CFAP47: variants seen among roughly 807,000 people sequenced by gnomAD.
CFAP47 encodes the protein cilia and flagella associated protein 47.
A neutral mutation model predicts 148.1 loss-of-function variants in CFAP47; 29 were observed. That is an observed-to-expected ratio of 0.20 (90% CI 0.15 to 0.27). CFAP47 has a LOEUF of 0.27. Ranked by LOEUF, CFAP47 falls within the 10% of genes least tolerant of loss-of-function variation. The pLI is 1.00. For synonymous variants in CFAP47, 664 were observed against 577.3 expected (o/e 1.15, Z -2.15); for missense variants, 1,872 against 1,697.5 (o/e 1.10, Z -1.81).
chrX:36,130,797 C>T (rs1193741611), intron 33 of CFAP47, among the ~76,000 whole-genome samples: 1 of 110,862 alleles, frequency 9.0e-6, no homozygotes, highest in East Asian at 2.8e-4. Flanking sequence ...AACTGGAAAT[C>T]ATTATGTTAA....
At chrX:36,172,305 G>A (rs1362453230) in intron 39 of CFAP47, among the ~76,000 whole-genome samples, 5,422 of 103,466 alleles carry the variant, frequency 0.052, 245 homozygotes, top group African/African-American at 0.098. Flanking sequence ...TCTCCTGCCT[G>A]ACTGCCCTGG....
At chrX:36,049,261 A>G (rs1220125490) in intron 26 of CFAP47, among the ~76,000 whole-genome samples, 2 of 110,194 alleles carry the variant, frequency 1.8e-5, no homozygotes, top group Non-Finnish European at 3.8e-5. Context: ...AAGCTCACTC[A>G]AACATTAAAT....
At chrX:36,343,082 G>A (rs1556016008) in intron 57 of CFAP47, among the ~76,000 whole-genome samples, 1 of 111,472 alleles carries the variant, frequency 9.0e-6, no homozygotes, top group East Asian at 2.8e-4. Flanking sequence ...CTGTTCCTGT[G>A]TTAGTTTGCT....
At chrX:36,134,762 G>A (rs1939013833) in intron 33 of CFAP47, among the ~76,000 whole-genome samples, 1 of 110,610 alleles carries the variant, frequency 9.0e-6, no homozygotes, top group Non-Finnish European at 1.9e-5. Context: ...CTTTATGAAA[G>A]ACTATTAAGA....
At chrX:36,361,220 C>T in intron 60 of CFAP47, 110 bp from the exon 61 acceptor site, 1 of 387,504 alleles carries the variant, frequency 2.6e-6, no homozygotes, top group Non-Finnish European at 4.5e-6. Flanking sequence ...TAATATATAC[C>T]CCCTCCCTTT....
Position 36,353,648 on chromosome X carries a change from A to G in CFAP47, c.8818A>G (p.Arg2940Gly). 1 of 1,162,603 alleles carries G rather than the reference A, an allele frequency of 8.6e-7. No individual in the cohort carries two copies. Among genetic ancestry groups the G allele is most frequent in the Non-Finnish European group, 1.2e-6 (1 of 869,046 alleles). The change falls in exon 60 of 64, where the codon AGA becomes GGA. Residue 2940 changes from arginine (R) to glycine (G), a missense_variant. Coordinates refer to ENST00000378653, the MANE Select transcript of CFAP47 (RefSeq NM_001304548.2). ...DLTEVLVIPK[R>G]NSHNFCEDPN... ...GACAGAAGTTTTAGTGATTCCAAAA[A>G]GAAATTCACATAATTTTTGTGAGGA...
chrX:36,213,637 A>G (rs1469920995), intron 45 of CFAP47, among the ~76,000 whole-genome samples: 1 of 111,946 alleles, frequency 8.9e-6, no homozygotes, highest in Non-Finnish European at 1.9e-5. Flanking sequence ...CAGACCATGT[A>G]GGAGATCACA....
chrX:36,379,442 C>G lies in CFAP47; in HGVS notation c.9278C>G (p.Thr3093Arg). 8.6e-7 allele frequency: 1 copy of G among 1,161,644 alleles called. No individual in the cohort carries two copies. Among genetic ancestry groups the G allele is most frequent in the Non-Finnish European group, 1.2e-6 (1 of 867,272 alleles). The change falls in exon 63 of 64, where the codon ACA becomes AGA. Residue 3093 changes from threonine to arginine, a missense_variant. By Grantham distance (71) the Thr-to-Arg change is moderately conservative. Coordinates refer to ENST00000378653, the MANE Select transcript of CFAP47 (RefSeq NM_001304548.2). ...PQAGELLPFN[T>R]NGTLITVGFK... The stretch of plus-strand genomic sequence containing the variant: ...GCTGGAGAACTTCTTCCTTTTAACA[C>G]AAACGGAACTCTCATCACTGTAGGA...
intron 4 of CFAP47, 48 bp downstream of exon 4, chrX:35,948,500 T>C: frequency 1.9e-6 from 2 of 1,027,602 alleles, no homozygotes; most frequent in Non-Finnish European, 2.7e-6. Flanking sequence ...ATCTCAATGC[T>C]TTCCCGTTTA....
chrX:36,157,854 A>C, intron 37 of CFAP47, among the ~76,000 whole-genome samples: 1 of 111,829 alleles, frequency 8.9e-6, no homozygotes, highest in East Asian at 2.8e-4. Flanking sequence ...TATCTTAATA[A>C]ATAATTTGAG....
intron 1 of CFAP47, among the ~76,000 whole-genome samples, chrX:35,922,943 G>A (rs905336763): frequency 9.0e-6 from 1 of 111,027 alleles, no homozygotes; most frequent in Non-Finnish European, 1.9e-5. Context: ...CACCTTCCTC[G>A]CTTCTTCTCC....
At chrX:36,317,670 G>T (rs6629074) in intron 56 of CFAP47, among the ~76,000 whole-genome samples, 12,434 of 107,152 alleles carry the variant, frequency 0.12, 609 homozygotes, top group East Asian at 0.27. Flanking sequence ...CGCCCACCTC[G>T]GCCTCCCAAA....
Position 35,967,824 on chromosome X carries a change from A to C in CFAP47, c.1806A>C (p.Lys602Asn). The change falls in exon 10 of 64, where the codon AAA becomes AAC. Residue 602 changes from lysine to asparagine, a missense_variant. Transcript: ENST00000378653. ...CTATCAGGTCTAAAGACCATCATAA[A>C]CATTTCAGGTAACATGAAATATTAA... ...AATIRSKDHH[K>N]HFRPIFTKVP... 1 of 1,194,208 alleles carries C rather than the reference A, an allele frequency of 8.4e-7. No individual in the cohort carries two copies. The highest frequency in any genetic ancestry group is 1.8e-5 in the South Asian group (1 of 55,249).
intron 2 of CFAP47, among the ~76,000 whole-genome samples, chrX:35,937,104 G>GTTTTTTT (rs377601530): frequency 3.6e-5 from 2 of 55,541 alleles, no homozygotes; most frequent in Non-Finnish European, 7.1e-5. Context: ...TGCAATTGCT[G>GTTTTTTT]TTTTTTTTTT....
intron 26 of CFAP47, among the ~76,000 whole-genome samples, chrX:36,064,869 A>G (rs1716671515): frequency 8.9e-6 from 1 of 112,294 alleles, no homozygotes; most frequent in Non-Finnish European, 1.9e-5. Context: ...GTTGGTAAAC[A>G]TAATAAGACA....
chrX:36,023,078 A>G (rs1428031445), intron 22 of CFAP47, among the ~76,000 whole-genome samples: 2 of 111,869 alleles, frequency 1.8e-5, no homozygotes, highest in African/African-American at 6.5e-5. Flanking sequence ...TAGTGTTCAC[A>G]TTCTGAGATT....
intron 49 of CFAP47, among the ~76,000 whole-genome samples, chrX:36,270,521 T>C (rs1556001672): frequency 1.9e-5 from 2 of 103,362 alleles, no homozygotes; most frequent in Non-Finnish European, 3.9e-5. Context: ...GTTTTTTTTA[T>C]TGTTGAATTT....
intron 42 of CFAP47, among the ~76,000 whole-genome samples, chrX:36,198,327 G>A (rs1939940672): frequency 8.9e-6 from 1 of 112,061 alleles, no homozygotes; most frequent in Admixed American, 9.5e-5. Context: ...GCAATTGGTT[G>A]AAAGAGTATA....
intron 27 of CFAP47, 112 bp from the exon 28 acceptor site, chrX:36,071,713 C>A: frequency 1.7e-6 from 1 of 603,291 alleles, no homozygotes. Flanking sequence ...TAGATGGATA[C>A]ATAGATAGAT....
Sources: allele counts gnomAD v4.1 joint callset (sites outside exome capture counted in the v4.1 genomes callset), GRCh38; gene constraint gnomAD v4.1.1; transcripts MANE v1.5; gene names NCBI Gene and HGNC (gene_info 2026-07-23, HGNC 2026-07-21).